Variants in HMCN1 observed in about 807,000 individuals in gnomAD.
The protein encoded by HMCN1 is hemicentin 1, also known as hemicentin-1.
Under a neutral mutation model 625.9 loss-of-function variants are expected in HMCN1, and 321 were observed. The ratio of observed to expected loss-of-function variants is 0.51; its 90% CI spans 0.47 to 0.56. The LOEUF (loss-of-function observed/expected upper bound fraction) is 0.56. Ranked by LOEUF, HMCN1 falls within the 20% of genes least tolerant of loss-of-function variation. The pLI is 0.00. For missense variants in HMCN1, 6,588 were observed against 6,887.3 expected (o/e 0.96, Z 1.54); for synonymous variants, 2,425 against 2,417.6 (o/e 1.00, Z -0.09).
chr1:185,774,728 T>C (rs1656481440), intron 1 of HMCN1, among the ~76,000 whole-genome samples: 1 of 152,138 alleles, frequency 6.6e-6, no homozygotes, highest in African/African-American at 2.4e-5. Context: ...GATTAACTGG[T>C]AAAGTAGTAA....
intron 4 of HMCN1, among the ~76,000 whole-genome samples, chr1:185,877,321 C>CTTTTTTTTTTTT (rs71557837): frequency 4.0e-4 from 14 of 34,912 alleles, no homozygotes; most frequent in Admixed American, 4.9e-4. Context: ...ATGTGTCTTT[C>CTTTTTTTTTTTT]TTTTTTTTTT....
Position 186,153,777 on chromosome 1 carries a change from G to T in HMCN1, c.15046G>T (p.Gly5016Cys), listed in dbSNP as rs200564711. The T allele has an allele frequency of 6.2e-7, 1 of 1,613,934 alleles. No homozygotes were observed. The highest frequency in any genetic ancestry group is 1.1e-5 in the South Asian group (1 of 91,066). ...KDYTEDYIQT[G>C]PGQLYAYSTR... is the part of the protein sequence containing the mutation. ...TTACACAGAGGACTACATTCAAACA[G>T]GTCCTGGGCAGCTGTACGCCTACTC... The change falls in exon 97 of 107, where the codon GGT becomes TGT. Residue 5016 changes from glycine (G) to cysteine (C), a missense_variant. Gly to Cys is a radical substitution (Grantham distance 159). This residue lies in a region of HMCN1 where 1,954 missense variants were observed against 2,013.1 expected (regional missense o/e 0.97). Coordinates refer to ENST00000271588, the MANE Select transcript of HMCN1 (RefSeq NM_031935.3).
At chr1:185,999,431 T>TCTGTTAGTC (rs1653026288) in intron 25 of HMCN1, among the ~76,000 whole-genome samples, 1 of 152,134 alleles carries the variant, frequency 6.6e-6, no homozygotes, top group Admixed American at 6.6e-5. Context: ...TTCCATTCAT[T>TCTGTTAGTC]CTGTTAGTCA....
At chr1:186,138,621 A>T (rs1489222646) in intron 89 of HMCN1, among the ~76,000 whole-genome samples, 2 of 152,096 alleles carry the variant, frequency 1.3e-5, no homozygotes, top group Admixed American at 1.3e-4. Flanking sequence ...AACTCTTTCC[A>T]TGTGGTGGAA....
At chr1:185,745,714 A>T (rs1282176630) in intron 1 of HMCN1, among the ~76,000 whole-genome samples, 4 of 152,148 alleles carry the variant, frequency 2.6e-5, no homozygotes, top group African/African-American at 4.8e-5. Flanking sequence ...CTCTGTGTGG[A>T]TCTGTTTGGG....
chr1:186,158,693 G>C (rs553898718), intron 97 of HMCN1, among the ~76,000 whole-genome samples: 2 of 152,064 alleles, frequency 1.3e-5, no homozygotes, highest in African/African-American at 4.8e-5. Context: ...TAAATAGGGA[G>C]TCCTTTCCCC....
At chr1:185,973,045 G>A (rs1479413558) in intron 15 of HMCN1, among the ~76,000 whole-genome samples, 1 of 152,122 alleles carries the variant, frequency 6.6e-6, no homozygotes, top group Non-Finnish European at 1.5e-5. Context: ...AACTTATGTA[G>A]TGGTTAAGTA....
In HMCN1 at chr1:186,123,240, T is replaced by C; in HGVS notation, c.12499+20T>C. 1 of 1,608,250 alleles carries C rather than the reference T, an allele frequency of 6.2e-7. No homozygotes were observed. The highest frequency in any genetic ancestry group is 8.5e-7 in the Non-Finnish European group (1 of 1,176,792). ...TCCATGGTAGGTTGTTTAACATGAATTATTTTAGTCTGCTGCACTACCATG... is the reference window on the plus strand; with the variant it reads ...TCCATGGTAGGTTGTTTAACATGAACTATTTTAGTCTGCTGCACTACCATG... On this transcript the variant is annotated intron_variant, in intron 81 of 106. Coordinates refer to ENST00000271588, the MANE Select transcript of HMCN1 (RefSeq NM_031935.3).
intron 77 of HMCN1, 119 bp from the exon 78 acceptor site, chr1:186,119,072 T>C: frequency 2.7e-6 from 2 of 749,638 alleles, no homozygotes; most frequent in Non-Finnish European, 4.8e-6. Context: ...GATACAAGTA[T>C]GAATATAAGC....
chr1:185,927,517 A>T (rs190849136), intron 9 of HMCN1, among the ~76,000 whole-genome samples: 5 of 152,150 alleles, frequency 3.3e-5, no homozygotes, highest in Admixed American at 1.3e-4. Context: ...AAGGCACAGA[A>T]ACCTGTTTTA....
chr1:186,103,445 T>C (rs1003275129), intron 68 of HMCN1, 27 bp from the exon 69 acceptor site: 1 of 1,575,904 alleles, frequency 6.3e-7, no homozygotes, highest in Non-Finnish European at 8.7e-7. Flanking sequence ...TGTGGGTTTA[T>C]TATTATTTTT....
intron 15 of HMCN1, among the ~76,000 whole-genome samples, chr1:185,975,527 C>T (rs1479362829): frequency 6.6e-6 from 1 of 152,056 alleles, no homozygotes; most frequent in African/African-American, 2.4e-5. Flanking sequence ...AATCACCTCC[C>T]ACCAGGCCCC....
At chr1:186,016,313 T>C in intron 32 of HMCN1, 74 bp downstream of exon 32, 1 of 1,393,166 alleles carries the variant, frequency 7.2e-7, no homozygotes, top group Non-Finnish European at 1.0e-6. Flanking sequence ...TACTTTTTTG[T>C]TCATGCAATA....
At chr1:186,171,314 G>T (rs2102635086) in intron 100 of HMCN1, 23 bp from the exon 101 acceptor site, 1 of 1,539,152 alleles carries the variant, frequency 6.5e-7, no homozygotes, top group Non-Finnish European at 9.0e-7. Flanking sequence ...AGCATATAAT[G>T]AAAGTTTTGT....
At chr1:185,984,949 CAAAA>C (rs201085095) in intron 19 of HMCN1, among the ~76,000 whole-genome samples, 1 of 150,990 alleles carries the variant, frequency 6.6e-6, no homozygotes, top group Non-Finnish European at 1.5e-5. Context: ...TTAAAAAAAA[CAAAA>C]AAAACCATTG....
chr1:185,798,156 T>C (rs2102217767), intron 1 of HMCN1, among the ~76,000 whole-genome samples: 1 of 152,260 alleles, frequency 6.6e-6, no homozygotes, highest in South Asian at 2.1e-4. Context: ...CTCCTTCATT[T>C]GTGAAGCCTA....
chr1:185,885,704 T>A (rs1257743348), intron 4 of HMCN1, among the ~76,000 whole-genome samples: 4 of 152,060 alleles, frequency 2.6e-5, no homozygotes, highest in African/African-American at 9.7e-5. Context: ...TCAGAAGATT[T>A]TGGAGAAGTA....
chr1:186,005,358 A>G (rs972463460), intron 29 of HMCN1, among the ~76,000 whole-genome samples: 1 of 144,262 alleles, frequency 6.9e-6, no homozygotes, highest in South Asian at 2.1e-4. Context: ...ATGTTTATAA[A>G]CAATTTTTTA....
chr1:186,055,636 C>A lies in HMCN1; in HGVS notation c.7106C>A (p.Ala2369Glu). ...GRYVCVAVNV[A>E]GMTDKKYDLS... is the part of the protein sequence containing the mutation. Reference sequence around the variant, plus strand: ...TATGTGTGTGTTGCTGTGAATGTAGCAGGAATGACTGACAAAAAATATGAC... The same window carrying A: ...TATGTGTGTGTTGCTGTGAATGTAGAAGGAATGACTGACAAAAAATATGAC... Residue 2369 changes from alanine (A) to glutamate (E), a missense_variant, in exon 45 of 107, where the codon GCA becomes GAA. Transcript: ENST00000271588. The A allele has an allele frequency of 6.2e-7, 1 of 1,612,612 alleles. No individual in the cohort carries two copies. The highest frequency in any genetic ancestry group is 8.5e-7 in the Non-Finnish European group (1 of 1,179,030).
Sources: gnomAD v4.1 joint callset for allele counts (sites outside exome capture counted in the v4.1 genomes callset) on GRCh38, gnomAD v4.1.1 for gene constraint, gnomAD v4.1.1 regional missense constraint, MANE v1.5 for transcripts, NCBI Gene and HGNC (gene_info 2026-07-23, HGNC 2026-07-21) for gene names.